SPIDR: variants seen among roughly 807,000 people sequenced by gnomAD.
SPIDR encodes the protein scaffold protein involved in DNA repair, also known as DNA repair-scaffolding protein.
A neutral mutation model predicts 104.6 loss-of-function variants in SPIDR; 93 were observed. The observed-to-expected ratio is 0.89, with a 90% confidence interval of 0.75 to 1.06. The LOEUF (loss-of-function observed/expected upper bound fraction) is 1.06. Ranked by LOEUF, SPIDR falls within the 50% of genes least tolerant of loss-of-function variation. SPIDR has a pLI of 0.00. For missense variants in SPIDR, 1,154 were observed against 1,111.2 expected, an observed-to-expected ratio of 1.04 and a Z score of -0.55; for synonymous variants, 431 against 416.9, an observed-to-expected ratio of 1.03 and a Z score of -0.41.
intron 5 of SPIDR, among the ~76,000 whole-genome samples, chr8:47,392,646 C>G (rs1424493148): frequency 6.6e-6 from 1 of 152,214 alleles, no homozygotes; most frequent in African/African-American, 2.4e-5. Context: ...ACCAGTCTTA[C>G]TGATGTTAAA....
At chr8:47,371,242 GT>G (rs1356674358) in intron 5 of SPIDR, among the ~76,000 whole-genome samples, 5 of 151,250 alleles carry the variant, frequency 3.3e-5, no homozygotes, top group African/African-American at 1.2e-4. Flanking sequence ...TGAAATGTGT[GT>G]TGTGGTCCAA....
At chr8:47,324,502 T>A (rs549124142) in intron 5 of SPIDR, among the ~76,000 whole-genome samples, 1 of 152,374 alleles carries the variant, frequency 6.6e-6, no homozygotes, top group African/African-American at 2.4e-5. Context: ...TGAAGTGAAA[T>A]TAGATCTTTT....
At chr8:47,545,406 G>GT (rs1274773244) in intron 8 of SPIDR, among the ~76,000 whole-genome samples, 1 of 151,814 alleles carries the variant, frequency 6.6e-6, no homozygotes, top group African/African-American at 2.4e-5. Flanking sequence ...AAAAAGTGTT[G>GT]TTTTTTAAAA....
At chr8:47,556,972 A>G (rs909842841) in intron 8 of SPIDR, among the ~76,000 whole-genome samples, 1 of 152,124 alleles carries the variant, frequency 6.6e-6, no homozygotes, top group African/African-American at 2.4e-5. Flanking sequence ...CTGATTTCAA[A>G]GGACACACCC....
At chr8:47,405,958 G>C (rs1387453195) in intron 6 of SPIDR, among the ~76,000 whole-genome samples, 1 of 152,180 alleles carries the variant, frequency 6.6e-6, no homozygotes, top group Non-Finnish European at 1.5e-5. Flanking sequence ...GAGGGCTCCA[G>C]ATACTGCTGT....
chr8:47,735,264 C>A lies in SPIDR; in HGVS notation c.2605-43C>A, dbSNP rs764338860. On this transcript the variant is annotated intron_variant, in intron 19 of 19. Coordinates refer to ENST00000297423, the MANE Select transcript of SPIDR (RefSeq NM_001080394.4). ...TTCCGTGTTGTTGGGAACAGTACGT[C>A]CCAGGCTGTTTGCTTTAACCAGCGT... is the stretch of plus-strand genomic sequence containing the variant. 3.8e-6 allele frequency: 6 copies of A among 1,594,356 alleles called. No homozygotes were observed. In the Admixed American group the frequency reaches 6.7e-5, roughly 18 times the overall value.
At chr8:47,294,944 A>G (rs931496761) in intron 5 of SPIDR, among the ~76,000 whole-genome samples, 4 of 152,040 alleles carry the variant, frequency 2.6e-5, no homozygotes, top group African/African-American at 9.7e-5. Flanking sequence ...TTACATGTAT[A>G]TTAATTAGGC....
intron 8 of SPIDR, among the ~76,000 whole-genome samples, chr8:47,558,598 T>C (rs2056653751): frequency 6.6e-6 from 1 of 151,538 alleles, no homozygotes; most frequent in Non-Finnish European, 1.5e-5. Flanking sequence ...ATGGTGATTG[T>C]CTTCACAAAC....
chr8:47,436,542 T>C (rs1363013360), intron 7 of SPIDR, among the ~76,000 whole-genome samples: 2 of 152,092 alleles, frequency 1.3e-5, no homozygotes, highest in African/African-American at 4.8e-5. Flanking sequence ...GGCAATAAAG[T>C]GAGACCCTGT....
intron 8 of SPIDR, among the ~76,000 whole-genome samples, chr8:47,579,499 T>G (rs1165352184): frequency 6.6e-6 from 1 of 152,208 alleles, no homozygotes; most frequent in Non-Finnish European, 1.5e-5. Context: ...CATTTTAAAA[T>G]TATTTTATTT....
chr8:47,729,390 A>C (rs1233155341), intron 18 of SPIDR, 22 bp from the exon 19 acceptor site: 2 of 1,579,224 alleles, frequency 1.3e-6, no homozygotes, highest in Admixed American at 3.7e-5. Context: ...AGTTTAACCC[A>C]GCCCTGCTTC....
At chr8:47,529,416 A>G (rs1564240455) in intron 8 of SPIDR, among the ~76,000 whole-genome samples, 3 of 152,116 alleles carry the variant, frequency 2.0e-5, no homozygotes, top group African/African-American at 7.2e-5. Flanking sequence ...TCCATCTCAA[A>G]AAATAAATAA....
intron 10 of SPIDR, among the ~76,000 whole-genome samples, chr8:47,610,200 C>T (rs1455132656): frequency 6.6e-6 from 1 of 152,102 alleles, no homozygotes; most frequent in African/African-American, 2.4e-5. Flanking sequence ...AACAGTCTCC[C>T]TACTCTTCCC....
intron 5 of SPIDR, among the ~76,000 whole-genome samples, chr8:47,307,290 G>C (rs1446035843): frequency 2.0e-5 from 3 of 149,438 alleles, no homozygotes; most frequent in African/African-American, 7.4e-5. Context: ...GCATGATCTT[G>C]GCTCACTGCA....
chr8:47,455,122 A>G (rs567649190), intron 8 of SPIDR, among the ~76,000 whole-genome samples: 1 of 152,208 alleles, frequency 6.6e-6, no homozygotes, highest in Admixed American at 6.5e-5. Context: ...ATTGTTTGTT[A>G]TTTCTCTTTT....
intron 16 of SPIDR, among the ~76,000 whole-genome samples, chr8:47,719,504 G>A (rs1006324233): frequency 6.0e-5 from 9 of 151,014 alleles, no homozygotes; most frequent in South Asian, 2.1e-4. Flanking sequence ...GCGAGACTCC[G>A]TATCAAAAAA....
intron 3 of SPIDR, among the ~76,000 whole-genome samples, chr8:47,285,448 AG>A (rs1554562453): frequency 2.2e-4 from 33 of 152,352 alleles, no homozygotes; most frequent in Non-Finnish European, 4.7e-4. Flanking sequence ...ACATTACAAA[AG>A]CATGTTCCTG....
At chr8:47,468,302 C>T (rs2075204666) in intron 8 of SPIDR, among the ~76,000 whole-genome samples, 1 of 152,186 alleles carries the variant, frequency 6.6e-6, no homozygotes, top group Non-Finnish European at 1.5e-5. Flanking sequence ...GATTTCAATA[C>T]TATTCCTATC....
chr8:47,662,034 C>T (rs2074195944), intron 10 of SPIDR, among the ~76,000 whole-genome samples: 1 of 152,202 alleles, frequency 6.6e-6, no homozygotes, highest in Non-Finnish European at 1.5e-5. Context: ...TGAGGCCCAT[C>T]CTATGCCTGA....
Sources: gnomAD v4.1 joint callset for allele counts (sites outside exome capture counted in the v4.1 genomes callset) on GRCh38, gnomAD v4.1.1 for gene constraint, MANE v1.5 for transcripts, NCBI Gene and HGNC (gene_info 2026-07-23, HGNC 2026-07-21) for gene names.